Variants in TTBK2 observed in about 807,000 individuals in gnomAD.
TTBK2 encodes the protein tau-tubulin kinase 2.
A neutral mutation model predicts 110.8 loss-of-function variants in TTBK2; 28 were observed. The observed-to-expected ratio is 0.25, with a 90% CI of 0.19 to 0.35. The LOEUF (loss-of-function observed/expected upper bound fraction) is 0.35, where lower values mean the gene tolerates loss of function less well. Among genes scored for constraint, TTBK2 ranks in the 10% least tolerant of loss-of-function variants. The pLI, the probability that TTBK2 is intolerant of heterozygous loss-of-function variation, is 1.00. For missense variants in TTBK2, 1,369 were observed against 1,500.3 expected (o/e 0.91, Z 1.45); for synonymous variants, 532 against 527.3 (o/e 1.01, Z -0.12).
rs1175589146 is a variant in TTBK2 at position 42,795,843 on chromosome 15, C to CAA, written c.823-1044_823-1043dup. ...GGGTGACGGAATGAGAATCTTTCTC[C>CAA]AAAAAAAAAAAAAAAAAAAAGATTA... On this transcript the variant is annotated intron_variant, in intron 9 of 14. Transcript: ENST00000267890. 5.2e-3 allele frequency among the ~76,000 whole-genome samples: 254 copies of CAA among 48,882 alleles called. 2 individuals carry two copies. The highest frequency in any genetic ancestry group is 0.017 in the African/African-American group (230 of 13,170). The allele number at this position is 48,882 out of a possible 152,430, so 32.1% of individuals were successfully genotyped here. A position where few individuals can be genotyped will look rare whatever the true frequency, so the allele number is the denominator to read the frequency against.
intron 6 of TTBK2, among the ~76,000 whole-genome samples, chr15:42,821,944 C>T (rs1892322634): frequency 6.6e-6 from 1 of 151,840 alleles, no homozygotes; most frequent in African/African-American, 2.4e-5. Context: ...CCTGCCTTGG[C>T]CTCCCAAAGT....
At chr15:42,831,543 T>A (rs1171111023) in intron 4 of TTBK2, among the ~76,000 whole-genome samples, 1 of 152,208 alleles carries the variant, frequency 6.6e-6, no homozygotes, top group Non-Finnish European at 1.5e-5. Context: ...GTACCCTAAA[T>A]AGAAGCTGTT....
At chr15:42,815,541 C>T (rs1436166880) in intron 7 of TTBK2, among the ~76,000 whole-genome samples, 1 of 151,884 alleles carries the variant, frequency 6.6e-6, no homozygotes, top group African/African-American at 2.4e-5. Context: ...CCCAGTTTTC[C>T]TACTCATAAA....
intron 2 of TTBK2, among the ~76,000 whole-genome samples, chr15:42,877,143 A>T (rs1040911455): frequency 5.9e-5 from 9 of 152,188 alleles, no homozygotes; most frequent in African/African-American, 2.2e-4. Context: ...GATACATTTC[A>T]ACTAATAAAT....
intron 4 of TTBK2, among the ~76,000 whole-genome samples, chr15:42,830,447 CA>C (rs1892708437): frequency 6.6e-6 from 1 of 152,058 alleles, no homozygotes; most frequent in Non-Finnish European, 1.5e-5. Context: ...CTCAGCCTCC[CA>C]AAGTGCTGGG....
chr15:42,798,157 T>A (rs909139762), intron 9 of TTBK2: 2 of 454,058 alleles, frequency 4.4e-6, no homozygotes, highest in Non-Finnish European at 8.9e-6. Flanking sequence ...GTGCTGGGAT[T>A]ATAGGCATGA....
chr15:42,777,809 G>A (rs117401420), intron 11 of TTBK2, among the ~76,000 whole-genome samples: 2,758 of 152,304 alleles, frequency 0.018, 48 homozygotes, highest in Non-Finnish European at 0.027. Flanking sequence ...CATTATCAGG[G>A]AAGCAAAGCC....
At chr15:42,784,278 A>AT (rs976159417) in intron 10 of TTBK2, among the ~76,000 whole-genome samples, 6 of 151,538 alleles carry the variant, frequency 4.0e-5, no homozygotes, top group East Asian at 1.9e-4. Flanking sequence ...TTATAACAAC[A>AT]TTTTTTTTCT....
intron 1 of TTBK2, among the ~76,000 whole-genome samples, chr15:42,902,984 CT>C: frequency 7.4e-6 from 1 of 134,554 alleles, no homozygotes. Flanking sequence ...CACTCTGTTT[CT>C]CAAAAAAAAA....
At chr15:42,790,777 G>A (rs986335960) in intron 10 of TTBK2, among the ~76,000 whole-genome samples, 1 of 152,050 alleles carries the variant, frequency 6.6e-6, no homozygotes, top group African/African-American at 2.4e-5. Flanking sequence ...TCAGCTCACT[G>A]CAACCTCTGC....
At chr15:42,852,270 T>C (rs1206088313) in intron 3 of TTBK2, among the ~76,000 whole-genome samples, 1 of 152,076 alleles carries the variant, frequency 6.6e-6, no homozygotes, top group Non-Finnish European at 1.5e-5. Context: ...GGTTTTACCA[T>C]GTTGGCCAGA....
intron 8 of TTBK2, among the ~76,000 whole-genome samples, chr15:42,811,323 TTTTC>T (rs1198308079): frequency 3.3e-5 from 5 of 152,194 alleles, no homozygotes; most frequent in Admixed American, 6.5e-5. Flanking sequence ...TCTGATCTAC[TTTTC>T]TTTATCAACA....
In TTBK2 at chr15:42,783,485, G is replaced by C. The variant is rs1595904999; in HGVS notation, c.1131C>G (p.Pro377=). The change falls in exon 11 of 15, where the codon CCC becomes CCG. Residue 377 remains proline, a synonymous_variant. Transcript: ENST00000267890. The stretch of plus-strand genomic sequence containing the variant: ...TCTCTTCCCAAACATCCTTCTCCTG[G>C]GGACGGGGGTGTCCCAGAGATCCAG... ...KLPGSLGHPR[P]QEKDVWEEMD... 2 of 1,614,040 alleles carry C rather than the reference G, an allele frequency of 1.2e-6. No individual in the cohort carries two copies. The highest frequency in any genetic ancestry group is 4.5e-5 in the East Asian group (2 of 44,878).
chr15:42,836,869 A>C (rs1893004724), intron 4 of TTBK2, among the ~76,000 whole-genome samples: 1 of 152,198 alleles, frequency 6.6e-6, no homozygotes, highest in South Asian at 2.1e-4. Flanking sequence ...GGCTAGTACC[A>C]GACAAATCAC....
At chr15:42,769,061 TAG>T (rs1242293385) in intron 13 of TTBK2, among the ~76,000 whole-genome samples, 1 of 152,194 alleles carries the variant, frequency 6.6e-6, no homozygotes, top group Non-Finnish European at 1.5e-5. Context: ...TAGCCATATG[TAG>T]AAAGTTGAAA....
At chr15:42,855,990 A>G (rs1243095862) in intron 3 of TTBK2, among the ~76,000 whole-genome samples, 2 of 152,162 alleles carry the variant, frequency 1.3e-5, no homozygotes, top group African/African-American at 4.8e-5. Context: ...CCAAGACCAC[A>G]ACTTATTATT....
chr15:42,784,412 G>T (rs920568089), intron 10 of TTBK2, among the ~76,000 whole-genome samples: 1 of 151,862 alleles, frequency 6.6e-6, no homozygotes, highest in Non-Finnish European at 1.5e-5. Flanking sequence ...TGAGTAGCTG[G>T]GATTACAGGC....
At chr15:42,819,050 T>C (rs999978057) in intron 6 of TTBK2, among the ~76,000 whole-genome samples, 2 of 151,432 alleles carry the variant, frequency 1.3e-5, no homozygotes, top group African/African-American at 2.4e-5. Flanking sequence ...ACTGCCAAAC[T>C]TGAAAATGAT....
At chr15:42,870,252 T>C (rs1894563172) in intron 3 of TTBK2, among the ~76,000 whole-genome samples, 1 of 152,078 alleles carries the variant, frequency 6.6e-6, no homozygotes, top group African/African-American at 2.4e-5. Context: ...ATCCAGAATA[T>C]TTCTGAAAAC....
Sources: gnomAD v4.1 joint callset for allele counts (sites outside exome capture counted in the v4.1 genomes callset) on GRCh38, gnomAD v4.1.1 for gene constraint, MANE v1.5 for transcripts, NCBI Gene and HGNC (gene_info 2026-07-23, HGNC 2026-07-21) for gene names.